Variants in TRIB3 observed in about 807,000 individuals in gnomAD.
TRIB3 encodes the protein tribbles pseudokinase 3.
In TRIB3, 20 loss-of-function variants were observed where a neutral mutation model predicts 16.6. The observed-to-expected ratio is 1.20, with a 90% confidence interval of 0.85 to 1.75. The LOEUF (loss-of-function observed/expected upper bound fraction) is 1.75, where lower values mean the gene tolerates loss of function less well. Ranked by LOEUF, TRIB3 falls within the 40% of genes most tolerant of loss-of-function variation. TRIB3 has a pLI of 0.00. For missense variants in TRIB3, 484 were observed against 488.9 expected (o/e 0.99, Z 0.10); for synonymous variants, 208 against 217.0 (o/e 0.96, Z 0.36).
chr20:382,047 G>A (rs2014670232), intron 1 of TRIB3, among the ~76,000 whole-genome samples: 1 of 152,162 alleles, frequency 6.6e-6, no homozygotes, highest in African/African-American at 2.4e-5. Flanking sequence ...GGCGGGGCGG[G>A]GTGGGGGTGC....
intron 3 of TRIB3, among the ~76,000 whole-genome samples, chr20:391,870 A>G (rs748574103): frequency 3.9e-5 from 6 of 152,100 alleles, no homozygotes; most frequent in Admixed American, 6.5e-5. Flanking sequence ...AAAAATACAA[A>G]AATTAGCCTA....
At chr20:388,714 G>T (rs149497352) in intron 2 of TRIB3, among the ~76,000 whole-genome samples, 65 of 152,302 alleles carry the variant, frequency 4.3e-4, no homozygotes, top group African/African-American at 1.4e-3. Context: ...TGTGCAGAAA[G>T]GGGCAGGAGA....
rs765696231 is a variant in TRIB3 at position 396,503 on chromosome 20, G to C, written c.890G>C (p.Arg297Pro). 5 of 1,612,928 alleles carry C rather than the reference G, an allele frequency of 3.1e-6. No individual in the cohort carries two copies. In the African/African-American group the frequency reaches 4.0e-5, roughly 13 times the overall value. ...CGCTGTCTGGTTCGCTGCCTCCTTC[G>C]TCGGGAGCCAGCTGAACGGCTCACA... ...PARCLVRCLL[R>P]REPAERLTAT... The change falls in exon 4 of 4, where the codon CGT (arginine) becomes CCT (proline). Residue 297 changes from arginine (R) to proline (P), a missense_variant. By Grantham distance (103) the Arg-to-Pro change is moderately radical (BLOSUM62 -2). Coordinates refer to ENST00000217233, the MANE Select transcript of TRIB3 (RefSeq NM_021158.5).
chr20:382,712 A>T, intron 1 of TRIB3: 1 of 896,876 alleles, frequency 1.1e-6, no homozygotes, highest in Non-Finnish European at 1.8e-6. Context: ...CCCACTTTAC[A>T]GGAACTGAGG....
chr20:397,440 TC>T lies in TRIB3; in HGVS notation c.*753del, dbSNP rs1250370213. The T allele has an allele frequency of 6.6e-6, 1 of 152,134 alleles. No homozygotes were observed. The highest frequency in any genetic ancestry group is 2.4e-5 in the African/African-American group (1 of 41,426). The allele number at this position is 152,134 out of a possible 1,614,324, so 9.4% of individuals were successfully genotyped here. A position where few individuals can be genotyped will look rare whatever the true frequency, so the allele number is the denominator to read the frequency against. On this transcript the variant is annotated 3_prime_UTR_variant, in exon 4 of 4. Coordinates refer to ENST00000217233, the MANE Select transcript of TRIB3 (RefSeq NM_021158.5). The stretch of plus-strand genomic sequence containing the variant: ...GTCTGTCCTGTGGCCACCTGGAAAG[TC>T]CCAGGTGGGACTCTTCTGGGGACAC...
At chr20:388,513 CA>C (rs1373148992) in intron 2 of TRIB3, among the ~76,000 whole-genome samples, 5 of 152,160 alleles carry the variant, frequency 3.3e-5, no homozygotes, top group Non-Finnish European at 7.3e-5. Flanking sequence ...TTAGGCCCTA[CA>C]GTGTGATAAA....
At position 392,752 on chromosome 20, in the gene TRIB3, T is replaced by C. The variant is rs1329714355; in HGVS notation, c.584+1173T>C. On this transcript the variant is annotated intron_variant, in intron 3 of 3. Coordinates refer to ENST00000217233, the MANE Select transcript of TRIB3 (RefSeq NM_021158.5). ...TTTCTATGTTTAGTAGAAACGGGGT[T>C]TTGCCATGTTGGCCAGGCTGGTCTT... Among the ~76,000 whole-genome samples, 3 of 152,042 alleles carry C rather than the reference T, an allele frequency of 2.0e-5. No homozygotes were observed. The East Asian group carries it at 5.8e-4, about 29-fold the overall frequency.
In TRIB3 at chr20:391,571, C is replaced by T; in HGVS notation, c.576C>T (p.Asp192=). 1 of 1,607,454 alleles carries T rather than the reference C, an allele frequency of 6.2e-7. No individual in the cohort carries two copies. The highest frequency in any genetic ancestry group is 8.5e-7 in the Non-Finnish European group (1 of 1,176,038). Residue 192 remains aspartate (D), a synonymous_variant, in exon 3 of 4, where the codon GAC becomes GAT. Transcript: ENST00000217233. ...AGCTGTGTCGCTTTGTCTTCGCTGA[C>T]CGTGAGAGGTGAGTGTGGTCTCAGA... ...DLKLCRFVFA[D]RERKKLVLEN...
rs182383887 is a variant in TRIB3, at chr20:396,137, G to A, written c.585-61G>A. The A allele has an allele frequency of 7.1e-6, 11 of 1,552,724 alleles. No individual in the cohort carries two copies. The East Asian group carries it at 2.5e-4, about 35-fold the overall frequency. The stretch of plus-strand genomic sequence containing the variant: ...GTGGGTGCCACAAGGGTGATAGCAT[G>A]GGGTGGTGGCATGGGGGTTCTGGGT... On this transcript the variant is annotated intron_variant, in intron 3 of 3. Transcript: ENST00000217233.
chr20:384,258 A>T (rs1340761629), intron 1 of TRIB3, among the ~76,000 whole-genome samples: 2 of 152,192 alleles, frequency 1.3e-5, no homozygotes, highest in Non-Finnish European at 2.9e-5. Context: ...GTGGCTCCCC[A>T]CTGCCTTTGG....
At position 382,322 on chromosome 20, in the gene TRIB3, G is replaced by T. The variant is rs1568531353; in HGVS notation, c.-1+1153G>T. On this transcript the variant is annotated intron_variant, in intron 1 of 3. Coordinates refer to ENST00000217233, the MANE Select transcript of TRIB3 (RefSeq NM_021158.5). ...TTACCGCATCTGTCCCCATCTGGGT[G>T]GAGCTTATCCCAGGCCCCAACAGGC... 7.2e-6 allele frequency: 4 copies of T among 555,162 alleles called. No individual in the cohort carries two copies. In the East Asian group the frequency reaches 1.2e-4, roughly 16 times the overall value. 34.4% of individuals were successfully genotyped at this position (555,162 alleles called of 1,614,324 possible). A position where few individuals can be genotyped will look rare whatever the true frequency, so the allele number is the denominator to read the frequency against.
chr20:391,266 A>G, intron 2 of TRIB3, 21 bp from the exon 3 acceptor site: 3 of 1,606,742 alleles, frequency 1.9e-6, no homozygotes, highest in Non-Finnish European at 2.5e-6. Context: ...CAGCTGTGCT[A>G]ACACCATGCT....
chr20:388,407 G>A lies in TRIB3; in HGVS notation c.291+106G>A, dbSNP rs7269378. On this transcript the variant is annotated intron_variant, in intron 2 of 3. Transcript: ENST00000217233. ...GGGGTCCTTATGTTCATTCATTCTT[G>A]TGTTTGTTTAGTGGGGAAGCATCCA... The A allele has an allele frequency of 1.4e-3, 1,960 of 1,376,048 alleles. 18 individuals are homozygous for A. In the African/African-American group the frequency reaches 0.026, roughly 18 times the overall value. 85.2% of individuals were successfully genotyped at this position (1,376,048 alleles called of 1,614,324 possible). A position where few individuals can be genotyped will look rare whatever the true frequency, so the allele number is the denominator to read the frequency against.
At chr20:383,011 C>G (rs2014705480) in intron 1 of TRIB3, among the ~76,000 whole-genome samples, 1 of 152,196 alleles carries the variant, frequency 6.6e-6, no homozygotes, top group Non-Finnish European at 1.5e-5. Context: ...AGGTCTCTCG[C>G]ACCAATGCCC....
chr20:394,836 A>T (rs2015082860), intron 3 of TRIB3, among the ~76,000 whole-genome samples: 1 of 151,990 alleles, frequency 6.6e-6, no homozygotes, highest in South Asian at 2.1e-4. Flanking sequence ...AGTCATTGGT[A>T]GAAGAGGGAC....
rs747388615 is a variant in TRIB3 at position 391,001 on chromosome 20, C to CGAAAAAAAAAAAAA, written c.292-286_292-285insGAAAAAAAAAAAAA. On this transcript the variant is annotated intron_variant, in intron 2 of 3. Transcript: ENST00000217233. ...TGGGTGACAGAGCGAGACTCCGTCTCAAAAAAAAAAAAAAAAAAAAAAAGC... is the reference window on the plus strand; with the variant it reads ...TGGGTGACAGAGCGAGACTCCGTCTCGAAAAAAAAAAAAAAAAAAAAAAAAAAAAAAAAAAAAGC... 2.3e-5 allele frequency among the ~76,000 whole-genome samples: 2 copies of CGAAAAAAAAAAAAA among 85,786 alleles called. 1 individual carries two copies. The allele number at this position is 85,786 out of a possible 152,430, so 56.3% of individuals were successfully genotyped here.
At position 388,207 on chromosome 20, in the gene TRIB3, C is replaced by G. The variant is rs1213576217; in HGVS notation, c.197C>G (p.Ser66Cys). ...PDRATAVATA[S>C]RLGPYVLLEP... ...CGTGCAACTGCTGTGGCCACTGCCT[C>G]CCGTCTTGGGCCCTATGTCCTCCTG... The change falls in exon 2 of 4, where the codon TCC becomes TGC. Residue 66 changes from serine (S) to cysteine (C), a missense_variant. Ser to Cys is a moderately radical substitution (Grantham distance 112). Coordinates refer to ENST00000217233, the MANE Select transcript of TRIB3 (RefSeq NM_021158.5). 1.2e-6 allele frequency: 2 copies of G among 1,613,856 alleles called. No homozygotes were observed. Among genetic ancestry groups the G allele is most frequent in the South Asian group, 1.1e-5 (1 of 91,086 alleles).
chr20:389,611 G>A (rs747793766), intron 2 of TRIB3, among the ~76,000 whole-genome samples: 3 of 152,168 alleles, frequency 2.0e-5, no homozygotes, highest in Non-Finnish European at 2.9e-5. Flanking sequence ...GCCCTAAGGA[G>A]CCCAGAACTC....
Position 396,987 on chromosome 20 carries a change from A to T in TRIB3, c.*297A>T. 2.7e-6 allele frequency: 1 copy of T among 369,772 alleles called. No homozygotes were observed. Among genetic ancestry groups the T allele is most frequent in the South Asian group, 4.5e-5 (1 of 22,088 alleles). 22.9% of individuals were successfully genotyped at this position (369,772 alleles called of 1,614,324 possible). On this transcript the variant is annotated 3_prime_UTR_variant, in exon 4 of 4. Transcript: ENST00000217233. ...AAACTGGCATCCTTGAGCTGACAAC[A>T]CTTTTCCATGACCATAGGTCACTGT...
Sources: allele counts gnomAD v4.1 joint callset (sites outside exome capture counted in the v4.1 genomes callset), GRCh38; gene constraint gnomAD v4.1.1; transcripts MANE v1.5; gene names NCBI Gene and HGNC (gene_info 2026-07-23, HGNC 2026-07-21).